Variants in HCN4 observed in about 807,000 individuals in gnomAD.
HCN4 encodes hyperpolarization activated cyclic nucleotide gated potassium channel 4.
HCN4 carries 29 observed loss-of-function variants against 76.9 expected under a neutral mutation model. That is an observed-to-expected ratio of 0.38 (90% CI 0.28 to 0.51). The LOEUF is 0.51. Among genes scored for constraint, HCN4 ranks in the 20% least tolerant of loss-of-function variants. HCN4 has a pLI of 0.90. For missense variants in HCN4, 1,416 were observed against 1,715.2 expected (o/e 0.83, Z 3.08); for synonymous variants, 772 against 762.5 (o/e 1.01, Z -0.21).
At position 73,322,872 on chromosome 15, in the gene HCN4, A is replaced by G; in HGVS notation, c.3221T>C (p.Leu1074Pro). 2 of 1,465,222 alleles carry G rather than the reference A, an allele frequency of 1.4e-6. No homozygotes were observed. The highest frequency in any genetic ancestry group is 1.8e-6 in the Non-Finnish European group (2 of 1,111,186). The allele number at this position is 1,465,222 out of a possible 1,614,324, so 90.8% of individuals were successfully genotyped here. A position where few individuals can be genotyped will look rare whatever the true frequency, so the allele number is the denominator to read the frequency against. ...QVPQRRGTPP[L>P]TPGRLTQDLK... The stretch of plus-strand genomic sequence containing the variant: ...GTCCTGGGTGAGGCGGCCGGGGGTG[A>G]GCGGGGGTGTGCCCCGGCGCTGGGG... Residue 1074 changes from leucine to proline, a missense_variant, in exon 8 of 8, where the codon CTC becomes CCC. By Grantham distance (98) the Leu-to-Pro change is moderately conservative (BLOSUM62 -3). Coordinates refer to ENST00000261917, the MANE Select transcript of HCN4 (RefSeq NM_005477.3).
intron 1 of HCN4, among the ~76,000 whole-genome samples, chr15:73,349,692 A>C (rs1376435127): frequency 6.6e-6 from 1 of 151,732 alleles, no homozygotes; most frequent in Non-Finnish European, 1.5e-5. Context: ...TAAGGACATC[A>C]CTCTTCCAAA....
intron 3 of HCN4, among the ~76,000 whole-genome samples, chr15:73,330,374 C>G (rs898780813): frequency 2.0e-5 from 3 of 152,246 alleles, no homozygotes; most frequent in Non-Finnish European, 4.4e-5. Context: ...CCCACTACCC[C>G]CAAGGCAGAC....
chr15:73,323,641 C>T lies in HCN4; in HGVS notation c.2452G>A (p.Gly818Ser), dbSNP rs1427767002. ...PPPGSGLGNLGAGQTPRHLKR... is the reference protein window; with the variant it reads ...PPPGSGLGNLSAGQTPRHLKR... The stretch of plus-strand genomic sequence containing the variant: ...AGGTGCCTTGGCGTCTGCCCGGCAC[C>T]GAGGTTGCCCAGCCCAGATCCTGGG... The change falls in exon 8 of 8, where the codon GGT (glycine) becomes AGT (serine). Residue 818 changes from glycine to serine, a missense_variant. Transcript: ENST00000261917. 19 of 1,596,860 alleles carry T rather than the reference C, an allele frequency of 1.2e-5. No individual in the cohort carries two copies. Among genetic ancestry groups the T allele is most frequent in the Middle Eastern group, 1.7e-4 (1 of 6,024 alleles).
chr15:73,323,849 A>G lies in HCN4; in HGVS notation c.2244T>C (p.His748=), dbSNP rs767674500. 1 of 1,605,164 alleles carries G rather than the reference A, an allele frequency of 6.2e-7. No individual in the cohort carries two copies. Among genetic ancestry groups the G allele is most frequent in the Non-Finnish European group, 8.5e-7 (1 of 1,179,948 alleles). Reference sequence around the variant, plus strand: ...GCGCGCAGTGGGCCATCTCCCGGTCATGCTGCACAATCTGCTGGATGATCT... The same window carrying G: ...GCGCGCAGTGGGCCATCTCCCGGTCGTGCTGCACAATCTGCTGGATGATCT... The part of the protein sequence containing the change: ...ENEIIQQIVQ[H]DREMAHCAHR... Residue 748 remains histidine (H), a synonymous_variant, in exon 8 of 8, where the codon CAT becomes CAC. Transcript: ENST00000261917.
chr15:73,344,051 C>T (rs1047070689), intron 1 of HCN4, among the ~76,000 whole-genome samples: 1 of 152,178 alleles, frequency 6.6e-6, no homozygotes, highest in Non-Finnish European at 1.5e-5. Flanking sequence ...CCCCGAGCCC[C>T]AACAACAAGC....
rs144655371 is a variant in HCN4 at position 73,336,788 on chromosome 15, G to A, written c.1210-4496C>T. 5.2e-3 allele frequency among the ~76,000 whole-genome samples: 782 copies of A among 151,782 alleles called. 8 individuals are homozygous for A. The highest frequency in any genetic ancestry group is 0.01 in the Middle Eastern group (3 of 292). ...CCCCAACCTCTTGATGAGGCTCCCC[G>A]CCCCTCCAAGCCACTCTCAACCAAG... On this transcript the variant is annotated intron_variant, in intron 2 of 7. Transcript: ENST00000261917.
rs1223859802 is a variant in HCN4 at position 73,367,924 on chromosome 15, C to T, written c.347G>A (p.Gly116Asp). Residue 116 changes from glycine (G) to aspartate (D), a missense_variant, in exon 1 of 8, where the codon GGC (glycine) becomes GAC (aspartate). Coordinates refer to ENST00000261917, the MANE Select transcript of HCN4 (RefSeq NM_005477.3). The surrounding 1 kb of genome is among the most constrained non-coding windows in gnomAD (Gnocchi z 7.5). The stretch of plus-strand genomic sequence containing the variant: ...GTCATGCAGGTGTCCGTGACTGCTG[C>T]CGCTCCCCGTGCCGCCGCTGCCGCC... ...RGGGSGGTGS[G>D]SSHGHLHDSA... The T allele has an allele frequency of 7.3e-7, 1 of 1,374,574 alleles. No homozygotes were observed. The highest frequency in any genetic ancestry group is 1.8e-5 in the South Asian group (1 of 54,468). 85.1% of individuals were successfully genotyped at this position (1,374,574 alleles called of 1,614,324 possible). A position where few individuals can be genotyped will look rare whatever the true frequency, so the allele number is the denominator to read the frequency against.
In HCN4 at chr15:73,323,298, C is replaced by T. The variant is rs1480886186; in HGVS notation, c.2795G>A (p.Gly932Asp). The change falls in exon 8 of 8, where the codon GGC (glycine) becomes GAC (aspartate). Residue 932 changes from glycine (G) to aspartate (D), a missense_variant. This residue lies in a region of HCN4 where 633 missense variants were observed against 579.8 expected (regional missense o/e 1.09). Coordinates refer to ENST00000261917, the MANE Select transcript of HCN4 (RefSeq NM_005477.3). Reference protein sequence around the residue: ...DSPLLTPLQPGARSPQAAQPS... With the variant: ...DSPLLTPLQPDARSPQAAQPS... ...CTGGGCAGCCTGCGGGGAGCGGGCG[C>T]CTGGCTGCAGCGGGGTGAGCAGGGG... is the stretch of plus-strand genomic sequence containing the variant. The T allele has an allele frequency of 3.2e-6, 5 of 1,542,476 alleles. No homozygotes were observed. Among genetic ancestry groups the T allele is most frequent in the Non-Finnish European group, 4.4e-6 (5 of 1,142,294 alleles).
intron 1 of HCN4, among the ~76,000 whole-genome samples, chr15:73,361,712 T>C (rs915611545): frequency 4.6e-5 from 7 of 152,102 alleles, no homozygotes; most frequent in Non-Finnish European, 1.0e-4. Flanking sequence ...AGCCCCATCA[T>C]TTGTATGAAA....
Position 73,343,387 on chromosome 15 carries a change from C to T in HCN4, c.1207G>A (p.Glu403Lys). The change falls in exon 2 of 8, where the codon GAG becomes AAG. Residue 403 changes from glutamate (E) to lysine (K), a missense_variant and splice_region_variant. Physicochemically the swap from Glu to Lys is moderately conservative, Grantham distance 56. Transcript: ENST00000261917. This position sits in a 1 kb window ranked among gnomAD's most constrained non-coding sequence, Gnocchi z 5.7. ...AGAGGTTTGCACTGACCACTTACCT[C>T]TTCCCACTGGTGAATATATCGAATG... ...RLIRYIHQWE[E>K]IFHMTYDLAS... 6.2e-7 allele frequency: 1 copy of T among 1,614,022 alleles called. No individual in the cohort carries two copies. Among genetic ancestry groups the T allele is most frequent in the East Asian group, 2.2e-5 (1 of 44,872 alleles).
Position 73,321,441 on chromosome 15 carries a change from A to T in HCN4, c.*1040T>A, listed in dbSNP as rs1332841862. The T allele has an allele frequency of 6.6e-6, 1 of 152,312 alleles. No individual in the cohort carries two copies. The highest frequency in any genetic ancestry group is 2.4e-5 in the African/African-American group (1 of 41,462). The allele number at this position is 152,312 out of a possible 1,614,324, so 9.4% of individuals were successfully genotyped here. ...GTTTCTTCCTCTGCTAAATGGGGAG[A>T]ATCAAAGTACCCACCCCATGGTCTT... is the stretch of plus-strand genomic sequence containing the variant. On this transcript the variant is annotated 3_prime_UTR_variant, in exon 8 of 8. Coordinates refer to ENST00000261917, the MANE Select transcript of HCN4 (RefSeq NM_005477.3).
chr15:73,321,938 AT>A lies in HCN4; in HGVS notation c.*542del. ...ATCTTACATACATATACATATACAT[AT>A]TCATATACAGATCTTGCTACGTTTA... On this transcript the variant is annotated 3_prime_UTR_variant, in exon 8 of 8. Coordinates refer to ENST00000261917, the MANE Select transcript of HCN4 (RefSeq NM_005477.3). 5.6e-6 allele frequency: 1 copy of A among 177,814 alleles called. No individual in the cohort carries two copies. Among genetic ancestry groups the A allele is most frequent in the South Asian group, 1.3e-4 (1 of 7,656 alleles). The allele number at this position is 177,814 out of a possible 1,614,324, so 11.0% of individuals were successfully genotyped here.
At chr15:73,363,845 G>A (rs2043117075) in intron 1 of HCN4, among the ~76,000 whole-genome samples, 2 of 152,298 alleles carry the variant, frequency 1.3e-5, no homozygotes, top group Middle Eastern at 3.4e-3. Context: ...CATGGCAACA[G>A]GCAACAAGAT....
In HCN4 at chr15:73,363,005, T is replaced by A. The variant is rs185583193; in HGVS notation, c.785+4481A>T. 1.3e-3 allele frequency among the ~76,000 whole-genome samples: 197 copies of A among 152,270 alleles called. 2 individuals carry two copies. Among genetic ancestry groups the A allele is most frequent in the Admixed American group, 0.012 (177 of 15,298 alleles). On this transcript the variant is annotated intron_variant, in intron 1 of 7. Coordinates refer to ENST00000261917, the MANE Select transcript of HCN4 (RefSeq NM_005477.3). ...CCCCTGCCTTGTCAGGTGGGACACATCTCATCCCCAGAGAGAGCCCTGCTG... is the reference window on the plus strand; with the variant it reads ...CCCCTGCCTTGTCAGGTGGGACACAACTCATCCCCAGAGAGAGCCCTGCTG...
rs1194760807 is a variant in HCN4, at chr15:73,322,588, CAAACAA to C, written c.3499_3504del (p.Leu1167_Phe1168del). The C allele has an allele frequency of 8.1e-6, 13 of 1,610,272 alleles. No homozygotes were observed. Among genetic ancestry groups the C allele is most frequent in the Non-Finnish European group, 1.1e-5 (13 of 1,178,540 alleles). ...CCCCCAGAAGAGGTGGCTCTTGCCC[CAAACAA>C]AGACAGAGGGGGTGGCAAAGAACCT... On this transcript the variant is annotated inframe_deletion, in exon 8 of 8. Coordinates refer to ENST00000261917, the MANE Select transcript of HCN4 (RefSeq NM_005477.3).
rs2042914819 is a variant in HCN4 at position 73,328,706 on chromosome 15, G to A, written c.1590+867C>T. On this transcript the variant is annotated intron_variant, in intron 4 of 7. Transcript: ENST00000261917. The surrounding 1 kb of genome is among the most constrained non-coding windows in gnomAD (Gnocchi z 4.0). ...GCAGAGAAGCTGGGGTAGGGCCCAG[G>A]TGGCCTGACTCCAGGCCACAGGACT... Among the ~76,000 whole-genome samples the A allele has an allele frequency of 6.6e-6, 1 of 152,142 alleles. No individual in the cohort carries two copies. The highest frequency in any genetic ancestry group is 2.1e-4 in the South Asian group (1 of 4,824).
chr15:73,327,379 G>A (rs1427185545), intron 4 of HCN4, among the ~76,000 whole-genome samples: 1 of 152,046 alleles, frequency 6.6e-6, no homozygotes, highest in African/African-American at 2.4e-5. Flanking sequence ...CCAAAGTGCT[G>A]GGATTACAGG....
intron 1 of HCN4, among the ~76,000 whole-genome samples, chr15:73,356,079 G>C (rs563490600): frequency 1.3e-5 from 2 of 152,310 alleles, no homozygotes; most frequent in East Asian, 3.9e-4. Context: ...TTAGGTGGGA[G>C]AGCTCACCTG....
In HCN4 at chr15:73,323,053, C is replaced by A; in HGVS notation, c.3040G>T (p.Ala1014Ser). 2 of 1,528,000 alleles carry A rather than the reference C, an allele frequency of 1.3e-6. No homozygotes were observed. The highest frequency in any genetic ancestry group is 8.7e-7 in the Non-Finnish European group (1 of 1,143,284). The allele number at this position is 1,528,000 out of a possible 1,614,324, so 94.7% of individuals were successfully genotyped here. ...CGGGGAGTAAAGCCTACAGGGGAAG[C>A]CCCCCCAGAGGCCCCTGCCACAAGG... The part of the protein sequence containing the change: ...PSLVAGASGG[A>S]SPVGFTPRGG... Residue 1014 changes from alanine to serine, a missense_variant, in exon 8 of 8, where the codon GCT (alanine) becomes TCT (serine). By Grantham distance (99) the Ala-to-Ser change is moderately conservative. This residue lies in a region of HCN4 where 633 missense variants were observed against 579.8 expected (regional missense o/e 1.09). Transcript: ENST00000261917.
Sources: gnomAD v4.1 joint callset for allele counts (sites outside exome capture counted in the v4.1 genomes callset) on GRCh38, gnomAD v4.1.1 for gene constraint, gnomAD v4.1.1 regional missense constraint, Gnocchi (gnomAD v3.1) non-coding constraint, MANE v1.5 for transcripts, NCBI Gene and HGNC (gene_info 2026-07-23, HGNC 2026-07-21) for gene names.